Variants in CATSPERE observed in about 807,000 individuals in gnomAD.
CATSPERE encodes catsper channel auxiliary subunit epsilon.
CATSPERE carries 93 observed loss-of-function variants against 114.1 expected under a neutral mutation model. That is an observed-to-expected ratio of 0.81 (90% CI 0.69 to 0.97). The LOEUF (loss-of-function observed/expected upper bound fraction) is 0.97. CATSPERE is among the 50% of genes least tolerant of loss of function. The probability of loss-of-function intolerance (pLI) is 0.00; values close to 1 mark genes in which losing one functional copy is unlikely to be tolerated. For synonymous variants in CATSPERE, 341 were observed against 384.1 expected (o/e 0.89, Z 1.31); for missense variants, 1,058 against 1,131.6 (o/e 0.93, Z 0.93).
chr1:244,594,661 G>C (rs2148652201), intron 17 of CATSPERE, among the ~76,000 whole-genome samples: 1 of 152,268 alleles, frequency 6.6e-6, no homozygotes, highest in Middle Eastern at 3.4e-3. Context: ...TCTTAGTCAA[G>C]GCTTTCAGCT....
At chr1:244,512,382 G>A (rs1675920422) in intron 7 of CATSPERE, among the ~76,000 whole-genome samples, 1 of 152,170 alleles carries the variant, frequency 6.6e-6, no homozygotes, top group South Asian at 2.1e-4. Flanking sequence ...CAAGATTTCT[G>A]TTTGACCTTT....
Position 244,461,349 on chromosome 1 carries a change from C to T in CATSPERE, c.-81C>T, listed in dbSNP as rs1666725460. 5.7e-6 allele frequency: 7 copies of T among 1,229,440 alleles called. No homozygotes were observed. The highest frequency in any genetic ancestry group is 2.8e-5 in the South Asian group (1 of 35,304). The allele number at this position is 1,229,440 out of a possible 1,614,324, so 76.2% of individuals were successfully genotyped here. A position where few individuals can be genotyped will look rare whatever the true frequency, so the allele number is the denominator to read the frequency against. ...CGGGACCCAGGCGCCTGCAGCCGCCCGCCGGGCCGACGTCCCACGGGAATG... is the reference window on the plus strand; with the variant it reads ...CGGGACCCAGGCGCCTGCAGCCGCCTGCCGGGCCGACGTCCCACGGGAATG... On this transcript the variant is annotated 5_prime_UTR_variant, in exon 1 of 22. Transcript: ENST00000366534.
rs891660861 is a variant in CATSPERE at position 244,461,665 on chromosome 1, C to G, written c.65+171C>G. 1.7e-5 allele frequency: 8 copies of G among 457,888 alleles called. No individual in the cohort carries two copies. The Admixed American group carries it at 3.1e-4, about 18-fold the overall frequency. The allele number at this position is 457,888 out of a possible 1,614,324, so 28.4% of individuals were successfully genotyped here. On this transcript the variant is annotated intron_variant, in intron 1 of 21. Coordinates refer to ENST00000366534, the MANE Select transcript of CATSPERE (RefSeq NM_001130957.2). ...GCCCCAGTGTCCCACCGCTCCCACC[C>G]GAGAGTTTTCCATGAGCGAGAGGGG...
chr1:244,455,588 G>T (rs942405936), intron 1 of CATSPERE, among the ~76,000 whole-genome samples: 4 of 141,446 alleles, frequency 2.8e-5, no homozygotes, highest in Non-Finnish European at 4.8e-5. Context: ...TATTTAAAAG[G>T]CCTTTATGTT....
intron 15 of CATSPERE, 44 bp downstream of exon 15, chr1:244,591,775 A>T (rs1363160356): frequency 3.4e-6 from 4 of 1,160,134 alleles, no homozygotes; most frequent in Non-Finnish European, 5.1e-6. Context: ...ATATTAACGT[A>T]GTACCAATAC....
chr1:244,536,753 G>A (rs1173708889), intron 8 of CATSPERE, among the ~76,000 whole-genome samples: 1 of 152,174 alleles, frequency 6.6e-6, no homozygotes, highest in African/African-American at 2.4e-5. Flanking sequence ...TGGCTCTTAT[G>A]AAGTTGCTTT....
intron 21 of CATSPERE, among the ~76,000 whole-genome samples, chr1:244,639,650 G>A (rs1184459350): frequency 6.7e-6 from 1 of 149,094 alleles, no homozygotes; most frequent in East Asian, 2.0e-4. Context: ...TTGCCCTCCA[G>A]GCTGGGTGAC....
In CATSPERE at chr1:244,572,329, G is replaced by A; in HGVS notation, c.1508-1G>A. 7.3e-7 allele frequency: 1 copy of A among 1,364,148 alleles called. No individual in the cohort carries two copies. Among genetic ancestry groups the A allele is most frequent in the Non-Finnish European group, 1.0e-6 (1 of 989,248 alleles). The allele number at this position is 1,364,148 out of a possible 1,614,324, so 84.5% of individuals were successfully genotyped here. ...AACACAAACTTTTCTCTTTTTTCCA[G>A]ATTATTATGGAGATATTTTGGTAAA... On this transcript the variant is annotated splice_acceptor_variant, in intron 10 of 21. Transcript: ENST00000366534. LOFTEE classifies it high-confidence loss of function.
chr1:244,496,816 G>A (rs1424803234), intron 6 of CATSPERE, among the ~76,000 whole-genome samples: 1 of 152,166 alleles, frequency 6.6e-6, no homozygotes, highest in Non-Finnish European at 1.5e-5. Context: ...GTCATGGCAG[G>A]CATTGAAATA....
At chr1:244,453,701 G>A (rs1310725034), upstream of CATSPERE, among the ~76,000 whole-genome samples, 4 of 152,150 alleles carry the variant, frequency 2.6e-5, no homozygotes, top group Non-Finnish European at 4.4e-5. Context: ...AAATAGCCCC[G>A]GGGAGACGTC....
chr1:244,569,878 TG>T (rs983949445), intron 10 of CATSPERE, among the ~76,000 whole-genome samples: 1 of 152,230 alleles, frequency 6.6e-6, no homozygotes, highest in Non-Finnish European at 1.5e-5. Flanking sequence ...TATACTTTTT[TG>T]ATTACTATAT....
chr1:244,474,198 A>AT (rs983388889), intron 2 of CATSPERE, among the ~76,000 whole-genome samples: 3 of 151,640 alleles, frequency 2.0e-5, no homozygotes, highest in African/African-American at 7.3e-5. Context: ...AGCCTGGCTA[A>AT]TTTTTTTGTA....
chr1:244,493,098 T>G (rs1423970704), intron 6 of CATSPERE, among the ~76,000 whole-genome samples: 1 of 151,504 alleles, frequency 6.6e-6, no homozygotes, highest in Non-Finnish European at 1.5e-5. Flanking sequence ...AAAACTACTT[T>G]AAAGTTCATA....
intron 19 of CATSPERE, 30 bp downstream of exon 19, chr1:244,610,356 T>C (rs1313102554): frequency 1.3e-6 from 2 of 1,488,046 alleles, no homozygotes; most frequent in Admixed American, 1.7e-5. Flanking sequence ...CCAGATTGTT[T>C]ATTTGGAATA....
intron 1 of CATSPERE, among the ~76,000 whole-genome samples, chr1:244,455,008 A>G (rs938860685): frequency 6.6e-6 from 1 of 152,174 alleles, no homozygotes; most frequent in African/African-American, 2.4e-5. Context: ...TCTAGAAGAC[A>G]GGAATTTGGG....
At chr1:244,601,067 TGAAAA>T (rs1260322289) in intron 17 of CATSPERE, among the ~76,000 whole-genome samples, 1 of 152,040 alleles carries the variant, frequency 6.6e-6, no homozygotes, top group African/African-American at 2.4e-5. Flanking sequence ...AATACGACTA[TGAAAA>T]GAAAGTAGGC....
chr1:244,451,570 G>A (rs1665604682), upstream of CATSPERE: 1 of 1,504,710 alleles, frequency 6.6e-7, no homozygotes, highest in South Asian at 1.3e-5. This position sits in a 1 kb window ranked among gnomAD's most constrained non-coding sequence, Gnocchi z 6.6. Context: ...GAGTTCCCGG[G>A]CACCAGGAGC....
At chr1:244,609,654 CAAAT>C (rs1314207300) in intron 18 of CATSPERE, among the ~76,000 whole-genome samples, 3 of 152,054 alleles carry the variant, frequency 2.0e-5, no homozygotes, top group Admixed American at 6.6e-5. Flanking sequence ...ATAATAAAAA[CAAAT>C]AAAAGGTATA....
At chr1:244,566,004 A>T (rs1296287337) in intron 10 of CATSPERE, among the ~76,000 whole-genome samples, 1 of 152,182 alleles carries the variant, frequency 6.6e-6, no homozygotes, top group Non-Finnish European at 1.5e-5. Flanking sequence ...GCTCTGTCCC[A>T]GAGATTCTGG....
Sources: allele counts gnomAD v4.1 joint callset (sites outside exome capture counted in the v4.1 genomes callset), GRCh38; gene constraint gnomAD v4.1.1; non-coding constraint Gnocchi (gnomAD v3.1); transcripts MANE v1.5; gene names NCBI Gene and HGNC (gene_info 2026-07-23, HGNC 2026-07-21).